Variants in TRIM4 observed in about 807,000 individuals in gnomAD.
The protein encoded by TRIM4 is E3 ubiquitin-protein ligase TRIM4.
A neutral mutation model predicts 33.7 loss-of-function variants in TRIM4; 29 were observed. That is an observed-to-expected ratio of 0.86 (90% CI 0.64 to 1.17). The LOEUF (loss-of-function observed/expected upper bound fraction) is 1.17. Ranked by LOEUF, TRIM4 falls within the 50% of genes most tolerant of loss-of-function variation. TRIM4 has a pLI of 0.00. For synonymous variants in TRIM4, 224 were observed against 233.0 expected, an observed-to-expected ratio of 0.96 and a Z score of 0.35; for missense variants, 554 against 593.7, an observed-to-expected ratio of 0.93 and a Z score of 0.69.
At position 99,892,465 on chromosome 7, in the gene TRIM4, C is replaced by T. The variant is rs774679769; in HGVS notation, c.1123G>A (p.Val375Ile). Residue 375 changes from valine (V) to isoleucine (I), a missense_variant, in exon 6 of 6, where the codon GTC becomes ATC. Val to Ile is a conservative substitution (Grantham distance 29). This residue lies in a region of TRIM4 where 290 missense variants were observed against 335.8 expected (regional missense o/e 0.86). Coordinates refer to ENST00000349062, the MANE Select transcript of TRIM4 (RefSeq NM_033091.3). Reference sequence around the variant, plus strand: ...TTTGAACGATCAGTAATTCCCATGACGTCCTCCCGACACACCCCAACAGCA... The same window carrying T: ...TTTGAACGATCAGTAATTCCCATGATGTCCTCCCGACACACCCCAACAGCA... ...EVAVGVCRED[V>I]MGITDRSKMS... 19 of 1,614,024 alleles carry T rather than the reference C, an allele frequency of 1.2e-5. No homozygotes were observed. Among genetic ancestry groups the T allele is most frequent in the Admixed American group, 1.7e-5 (1 of 60,006 alleles).
At chr7:99,903,196 A>C in intron 5 of TRIM4, 22 bp downstream of exon 5, 1 of 1,572,612 alleles carries the variant, frequency 6.4e-7, no homozygotes. Flanking sequence ...AAGGAGCCCC[A>C]AGTCCTAGAA....
At chr7:99,893,221 C>T (rs1332609669) in intron 5 of TRIM4, among the ~76,000 whole-genome samples, 3 of 152,014 alleles carry the variant, frequency 2.0e-5, no homozygotes, top group Admixed American at 6.5e-5. Context: ...GACCCGAGAT[C>T]GTGCCACTGC....
chr7:99,919,431 G>A lies in TRIM4; in HGVS notation c.-30C>T, dbSNP rs1346129995. ...CTTCCCTGCCGCGGAGACGGAGTCC[G>A]ACGTGAGGCGCGGGAGAGGCCAGCA... On this transcript the variant is annotated 5_prime_UTR_variant, in exon 1 of 6. Coordinates refer to ENST00000349062, the MANE Select transcript of TRIM4 (RefSeq NM_033091.3). 5 of 1,498,064 alleles carry A rather than the reference G, an allele frequency of 3.3e-6. No individual in the cohort carries two copies. The East Asian group carries it at 1.4e-4, about 41-fold the overall frequency. The allele number at this position is 1,498,064 out of a possible 1,614,324, so 92.8% of individuals were successfully genotyped here.
chr7:99,910,878 A>G (rs140835365), intron 1 of TRIM4, among the ~76,000 whole-genome samples: 42 of 152,380 alleles, frequency 2.8e-4, no homozygotes, highest in Non-Finnish European at 4.6e-4. Flanking sequence ...CAGAAATGTT[A>G]GAGAAACACA....
chr7:99,892,087 G>A lies in TRIM4; in HGVS notation c.*76C>T, dbSNP rs1818903177. 5.4e-6 allele frequency: 7 copies of A among 1,291,874 alleles called. No individual in the cohort carries two copies. The highest frequency in any genetic ancestry group is 1.4e-5 in the South Asian group (1 of 69,436). The allele number at this position is 1,291,874 out of a possible 1,614,324, so 80.0% of individuals were successfully genotyped here. On this transcript the variant is annotated 3_prime_UTR_variant, in exon 6 of 6. Coordinates refer to ENST00000349062, the MANE Select transcript of TRIM4 (RefSeq NM_033091.3). The stretch of plus-strand genomic sequence containing the variant: ...GACCATCCAGGATAGAGACATGAAG[G>A]GCAGAAGAGGGCCCAGGGATGTGTG...
intron 3 of TRIM4, among the ~76,000 whole-genome samples, chr7:99,906,011 G>A (rs1316432419): frequency 6.6e-6 from 1 of 152,166 alleles, no homozygotes; most frequent in Non-Finnish European, 1.5e-5. Flanking sequence ...CAGGTGTGGT[G>A]GCACACGCCT....
At chr7:99,916,178 T>G (rs537255305) in intron 1 of TRIM4, among the ~76,000 whole-genome samples, 18 of 152,354 alleles carry the variant, frequency 1.2e-4, no homozygotes, top group African/African-American at 4.1e-4. Context: ...CATCCACTTA[T>G]ATTTCCCTCG....
At chr7:99,899,766 G>A (rs555124833) in intron 5 of TRIM4, among the ~76,000 whole-genome samples, 4 of 152,264 alleles carry the variant, frequency 2.6e-5, no homozygotes, top group South Asian at 2.1e-4. Flanking sequence ...GTGTGTGTGC[G>A]CACACGTGCA....
chr7:99,918,915 T>C (rs1819622971), intron 1 of TRIM4, 94 bp downstream of exon 1: 2 of 1,377,962 alleles, frequency 1.5e-6, no homozygotes, highest in Admixed American at 2.9e-5. Flanking sequence ...CCAGTAGGAA[T>C]GACAGCCACT....
rs750793753 is a variant in TRIM4 at position 99,903,304 on chromosome 7, T to C, written c.755A>G (p.Gln252Arg). The C allele has an allele frequency of 7.5e-6, 12 of 1,610,110 alleles. No homozygotes were observed. The highest frequency in any genetic ancestry group is 1.0e-5 in the Non-Finnish European group (12 of 1,177,028). The change falls in exon 5 of 6, where the codon CAG becomes CGG. Residue 252 changes from glutamine to arginine, a missense_variant. Physicochemically the swap from Gln to Arg is conservative, Grantham distance 43. Transcript: ENST00000349062. ...AGCTTCAAGAGAATAGTTCACATCC[T>C]GGATCTCACTCCTAAGAAGGTAGAG... ...PKEVLTRSEIQDVNYSLEAVK... is the reference protein window; with the variant it reads ...PKEVLTRSEIRDVNYSLEAVK...
chr7:99,910,208 A>G (rs1175811866), intron 1 of TRIM4, among the ~76,000 whole-genome samples: 1 of 152,194 alleles, frequency 6.6e-6, no homozygotes, highest in Non-Finnish European at 1.5e-5. Flanking sequence ...AGATTAGCAA[A>G]TATCTACTAC....
intron 1 of TRIM4, among the ~76,000 whole-genome samples, chr7:99,912,873 CA>C (rs1193412092): frequency 1.4e-4 from 21 of 152,274 alleles, no homozygotes; most frequent in African/African-American, 5.1e-4. Flanking sequence ...CTGTTTCTAC[CA>C]TGATGTTTCC....
intron 1 of TRIM4, chr7:99,916,724 A>G (rs1356466481): frequency 2.6e-6 from 2 of 781,040 alleles, no homozygotes; most frequent in South Asian, 1.3e-5. Context: ...ATGGTACAAG[A>G]GCAGCCTAAT....
chr7:99,909,481 G>T lies in TRIM4; in HGVS notation c.489+84C>A. On this transcript the variant is annotated intron_variant, in intron 2 of 5. Coordinates refer to ENST00000349062, the MANE Select transcript of TRIM4 (RefSeq NM_033091.3). ...CTCTACGTGAACTGCAAAACCCCAT[G>T]ACCAAAAGGACCTCAGAAGCAAGAA... The T allele has an allele frequency of 3.4e-6, 4 of 1,177,140 alleles. No homozygotes were observed. In the South Asian group the frequency reaches 3.9e-5, roughly 12 times the overall value. The allele number at this position is 1,177,140 out of a possible 1,614,324, so 72.9% of individuals were successfully genotyped here.
intron 3 of TRIM4, among the ~76,000 whole-genome samples, chr7:99,905,097 A>G (rs1341469686): frequency 2.6e-5 from 4 of 152,110 alleles, no homozygotes; most frequent in Non-Finnish European, 5.9e-5. Flanking sequence ...ATACATATAT[A>G]TATATATCCA....
At chr7:99,914,002 A>G (rs1371576905) in intron 1 of TRIM4, among the ~76,000 whole-genome samples, 1 of 152,214 alleles carries the variant, frequency 6.6e-6, no homozygotes, top group African/African-American at 2.4e-5. Flanking sequence ...CTTGAGTTCT[A>G]TGAATTTCAG....
In TRIM4 at chr7:99,909,133, G is replaced by GGTGTGTGTGTGT. The variant is rs140032652; in HGVS notation, c.490-333_490-322dup. 1.3e-3 allele frequency among the ~76,000 whole-genome samples: 193 copies of GGTGTGTGTGTGT among 148,508 alleles called. 1 individual carries two copies. Among genetic ancestry groups the GGTGTGTGTGTGT allele is most frequent in the African/African-American group, 3.1e-3 (127 of 40,416 alleles). On this transcript the variant is annotated intron_variant, in intron 2 of 5. Coordinates refer to ENST00000349062, the MANE Select transcript of TRIM4 (RefSeq NM_033091.3). ...TTTACCAAATCTTTAGGAGTGTGAG[G>GGTGTGTGTGTGT]GTGTGTGTGTGTGTGTGTGTGTGTG...
intron 5 of TRIM4, among the ~76,000 whole-genome samples, chr7:99,893,811 A>G (rs986568238): frequency 1.3e-5 from 2 of 151,982 alleles, no homozygotes; most frequent in East Asian, 1.9e-4. Flanking sequence ...CAATGTGTTA[A>G]TAATGTCCTC....
At chr7:99,904,765 C>T (rs1819258578) in intron 3 of TRIM4, among the ~76,000 whole-genome samples, 1 of 152,132 alleles carries the variant, frequency 6.6e-6, no homozygotes, top group Non-Finnish European at 1.5e-5. Flanking sequence ...AGTACAGTGG[C>T]TCATGCCTGT....
Sources: gnomAD v4.1 joint callset for allele counts (sites outside exome capture counted in the v4.1 genomes callset) on GRCh38, gnomAD v4.1.1 for gene constraint, gnomAD v4.1.1 regional missense constraint, MANE v1.5 for transcripts, NCBI Gene and HGNC (gene_info 2026-07-23, HGNC 2026-07-21) for gene names.